NF1: variants seen among roughly 807,000 people sequenced by gnomAD.
The protein encoded by NF1 is neurofibromin.
NF1 carries 122 observed loss-of-function variants against 325.7 expected under a neutral mutation model. The ratio of observed to expected loss-of-function variants is 0.37; its 90% CI spans 0.32 to 0.44. The LOEUF is 0.44. NF1 is among the 20% of genes least tolerant of loss of function. The probability of loss-of-function intolerance (pLI) is 1.00; values close to 1 mark genes in which losing one functional copy is unlikely to be tolerated. For synonymous variants in NF1, 1,091 were observed against 1,186.0 expected, an observed-to-expected ratio of 0.92 and a Z score of 1.65; for missense variants, 2,140 against 3,415.4, an observed-to-expected ratio of 0.63 and a Z score of 9.31.
intron 31 of NF1, among the ~76,000 whole-genome samples, chr17:31,255,252 A>T (rs1044538245): frequency 6.6e-6 from 1 of 152,148 alleles, no homozygotes; most frequent in African/African-American, 2.4e-5. Flanking sequence ...AAGGGAAGAA[A>T]GGGTACATTT....
chr17:31,262,284 A>G (rs190665283), intron 35 of NF1, among the ~76,000 whole-genome samples: 44 of 152,296 alleles, frequency 2.9e-4, no homozygotes, highest in Admixed American at 1.2e-3. Context: ...ATAAAGGTTA[A>G]TGGTTTTAAA....
chr17:31,150,688 T>C (rs1382908501), intron 1 of NF1, among the ~76,000 whole-genome samples: 1 of 152,172 alleles, frequency 6.6e-6, no homozygotes, highest in Admixed American at 6.5e-5. Flanking sequence ...AGCAGTCACC[T>C]AATATACTTT....
intron 38 of NF1, among the ~76,000 whole-genome samples, chr17:31,328,096 T>C (rs763488126): frequency 2.5e-4 from 38 of 152,196 alleles, no homozygotes; most frequent in Non-Finnish European, 3.8e-4. Flanking sequence ...GATTTTTTTT[T>C]CCAAAGTATC....
intron 11 of NF1, among the ~76,000 whole-genome samples, chr17:31,205,686 C>T (rs2066607214): frequency 6.6e-6 from 1 of 151,962 alleles, no homozygotes; most frequent in Non-Finnish European, 1.5e-5. Flanking sequence ...CATTGCATAT[C>T]AATTTATAGG....
intron 1 of NF1, among the ~76,000 whole-genome samples, chr17:31,139,657 A>G (rs1349504137): frequency 6.6e-6 from 1 of 152,178 alleles, no homozygotes; most frequent in African/African-American, 2.4e-5. Flanking sequence ...TTCTTTGAAC[A>G]TTAGTTTGTT....
chr17:31,323,110 A>G (rs1270049467), intron 36 of NF1, among the ~76,000 whole-genome samples: 1 of 152,172 alleles, frequency 6.6e-6, no homozygotes, highest in Non-Finnish European at 1.5e-5. Context: ...TTTAAAAATT[A>G]TAAAAGCAGG....
chr17:31,326,341 A>G (rs2069341734), intron 37 of NF1, 89 bp downstream of exon 37: 4 of 1,271,658 alleles, frequency 3.1e-6, no homozygotes, highest in Admixed American at 1.8e-5. Flanking sequence ...TCCTACCCCT[A>G]TAGTGGTGTA....
intron 1 of NF1, among the ~76,000 whole-genome samples, chr17:31,118,142 A>C (rs1169192657): frequency 6.6e-6 from 1 of 152,190 alleles, no homozygotes; most frequent in Non-Finnish European, 1.5e-5. Flanking sequence ...TTGTGTTATA[A>C]GCATAAAAGT....
Position 31,252,970 on chromosome 17 carries a change from A to T in NF1, c.4143A>T (p.Thr1381=). The T allele has an allele frequency of 6.2e-7, 1 of 1,613,632 alleles. No homozygotes were observed. Among genetic ancestry groups the T allele is most frequent in the Non-Finnish European group, 8.5e-7 (1 of 1,179,774 alleles). ...GCCACTCCCTACTGAATAAAGCTAC[A>T]GTAAAAGAAAAAAAGGAAAACAAAA... The part of the protein sequence containing the change: ...ATCHSLLNKA[T]VKEKKENKKS... Residue 1381 remains threonine (T), a synonymous_variant, in exon 31 of 58, where the codon ACA becomes ACT. Coordinates refer to ENST00000358273, the MANE Select transcript of NF1 (RefSeq NM_001042492.3).
At chr17:31,269,222 G>T (rs576907385) in intron 36 of NF1, among the ~76,000 whole-genome samples, 79 of 152,220 alleles carry the variant, frequency 5.2e-4, no homozygotes, top group African/African-American at 1.9e-3. Context: ...AAGCTTGTCT[G>T]TCCCATTGAC....
chr17:31,311,342 A>G (rs1412226167), intron 36 of NF1, among the ~76,000 whole-genome samples: 1 of 152,204 alleles, frequency 6.6e-6, no homozygotes, highest in Non-Finnish European at 1.5e-5. Context: ...GTTAGGAAGT[A>G]TGCCATTATC....
chr17:31,352,225 AT>A, intron 50 of NF1, 31 bp from the exon 51 acceptor site: 1 of 1,605,382 alleles, frequency 6.2e-7, no homozygotes, highest in Non-Finnish European at 8.5e-7. Flanking sequence ...CACCATATTA[AT>A]TGATTTTTCT....
At chr17:31,128,927 A>AG (rs1343685033) in intron 1 of NF1, among the ~76,000 whole-genome samples, 1 of 36,946 alleles carries the variant, frequency 2.7e-5, no homozygotes, top group Non-Finnish European at 1.7e-4. Flanking sequence ...ACTCCGTCTC[A>AG]AAAAAAAAAA....
At chr17:31,321,448 C>T (rs187896923) in intron 36 of NF1, 5 of 152,026 alleles carry the variant, frequency 3.3e-5, no homozygotes, top group Admixed American at 1.3e-4. Flanking sequence ...ATCTGTCAGA[C>T]GTTAGAAGTG....
intron 36 of NF1, chr17:31,304,780 G>C: frequency 1.2e-6 from 2 of 1,614,000 alleles, no homozygotes; most frequent in Non-Finnish European, 1.7e-6. Context: ...GCTTTTGCTT[G>C]GTTTCCAGGG....
At chr17:31,142,126 T>C (rs1916263469) in intron 1 of NF1, among the ~76,000 whole-genome samples, 1 of 152,230 alleles carries the variant, frequency 6.6e-6, no homozygotes. Flanking sequence ...CACAGAGTGC[T>C]TTGCTTAATG....
intron 32 of NF1, 116 bp from the exon 33 acceptor site, chr17:31,258,916 T>C (rs942898099): frequency 4.5e-6 from 3 of 662,674 alleles, no homozygotes; most frequent in Non-Finnish European, 7.7e-6. Context: ...GTTTGATTTT[T>C]AAGTACTAGC....
intron 8 of NF1, among the ~76,000 whole-genome samples, chr17:31,190,752 G>A (rs1396851956): frequency 6.6e-6 from 1 of 152,168 alleles, no homozygotes; most frequent in Non-Finnish European, 1.5e-5. Context: ...ATTTGTAATA[G>A]TTATTACTAG....
chr17:31,362,767 T>C (rs886650048), intron 57 of NF1, among the ~76,000 whole-genome samples: 19 of 152,222 alleles, frequency 1.2e-4, no homozygotes, highest in African/African-American at 4.3e-4. Flanking sequence ...TTGACTTTTT[T>C]TACCCAGTCT....
Sources: allele counts gnomAD v4.1 joint callset (sites outside exome capture counted in the v4.1 genomes callset), GRCh38; gene constraint gnomAD v4.1.1; transcripts MANE v1.5; gene names NCBI Gene and HGNC (gene_info 2026-07-23, HGNC 2026-07-21).